Variants in SLC6A18 observed in about 807,000 individuals in gnomAD.
SLC6A18 encodes the protein solute carrier family 6 member 18, also known as inactive sodium-dependent neutral amino acid transporter B(0)AT3.
Under a neutral mutation model 62.9 loss-of-function variants are expected in SLC6A18, and 58 were observed. The ratio of observed to expected loss-of-function variants is 0.92; its 90% CI spans 0.75 to 1.15. The LOEUF is 1.15. Ranked by LOEUF, SLC6A18 falls within the 50% of genes most tolerant of loss-of-function variation. The pLI is 0.00. For synonymous variants in SLC6A18, 382 were observed against 365.8 expected (o/e 1.04, Z -0.51); for missense variants, 793 against 836.6 (o/e 0.95, Z 0.64).
intron 1 of SLC6A18, among the ~76,000 whole-genome samples, chr5:1,227,718 G>A (rs746844469): frequency 2.6e-5 from 4 of 152,206 alleles, no homozygotes; most frequent in African/African-American, 9.6e-5. Context: ...GTAGCAAAAC[G>A]TTGCGGTAAA....
chr5:1,226,956 A>AACACCTTGCCCACCG (rs1554035890), intron 1 of SLC6A18, among the ~76,000 whole-genome samples: 38 of 109,754 alleles, frequency 3.5e-4, no homozygotes, highest in African/African-American at 6.0e-4. Flanking sequence ...TGCCTTGCCC[A>AACACCTTGCCCACCG]ACGCCTTGCC....
rs1320101159 is a variant in SLC6A18 at position 1,241,862 on chromosome 5, C to T, written c.975-845C>T. On this transcript the variant is annotated intron_variant, in intron 7 of 11. Coordinates refer to ENST00000324642, the MANE Select transcript of SLC6A18 (RefSeq NM_182632.3). The surrounding 1 kb of genome is among the most constrained non-coding windows in gnomAD (Gnocchi z 7.8). Reference sequence around the variant, plus strand: ...AGCAGGCGGATAAGGACCAGCCGTGCGCACAACGCCCTGCGCCGTGCAGCC... The same window carrying T: ...AGCAGGCGGATAAGGACCAGCCGTGTGCACAACGCCCTGCGCCGTGCAGCC... Among the ~76,000 whole-genome samples, 1 of 152,340 alleles carries T rather than the reference C, an allele frequency of 6.6e-6. No homozygotes were observed. Among genetic ancestry groups the T allele is most frequent in the East Asian group, 1.9e-4 (1 of 5,186 alleles).
rs149285920 is a variant in SLC6A18, at chr5:1,240,591, C to T, written c.906C>T (p.Tyr302=). 2.5e-5 allele frequency: 41 copies of T among 1,614,156 alleles called. No homozygotes were observed. Among genetic ancestry groups the T allele is most frequent in the African/African-American group, 1.9e-4 (14 of 75,036 alleles). Residue 302 remains tyrosine (Y), a synonymous_variant, in exon 7 of 12, where the codon TAC becomes TAT. Coordinates refer to ENST00000324642, the MANE Select transcript of SLC6A18 (RefSeq NM_182632.3). ...TGGTCAACAGGATGACCTCCCTGTA[C>T]GCGTCCATCGCTGTCTTCTCTGTCC... The part of the protein sequence containing the change: ...IALVNRMTSL[Y]ASIAVFSVLG...
rs370565117 is a variant in SLC6A18, at chr5:1,235,709, C to A, written c.621+47C>A. The A allele has an allele frequency of 3.7e-4, 592 of 1,593,412 alleles. 1 individual carries two copies. Among genetic ancestry groups the A allele is most frequent in the Non-Finnish European group, 4.7e-4 (541 of 1,163,036 alleles). On this transcript the variant is annotated intron_variant, in intron 4 of 11. Coordinates refer to ENST00000324642, the MANE Select transcript of SLC6A18 (RefSeq NM_182632.3). ...TCCCCTCTCTTGCTTCCTCCAGCCC[C>A]CAAGACCCCTCCCCATTGACCTGTG...
intron 10 of SLC6A18, 78 bp from the exon 11 acceptor site, chr5:1,244,530 G>C: frequency 6.5e-7 from 1 of 1,545,708 alleles, no homozygotes; most frequent in Non-Finnish European, 8.7e-7. Flanking sequence ...TTGGACCCCA[G>C]TTAGGGTCCG....
At chr5:1,240,767 T>G in intron 7 of SLC6A18, 108 bp downstream of exon 7, 3 of 1,479,836 alleles carry the variant, frequency 2.0e-6, no homozygotes, top group South Asian at 1.2e-5. Context: ...CACATTTCAT[T>G]TCTGTAGGGG....
In SLC6A18 at chr5:1,243,661, T is replaced by G. The variant is rs965264111; in HGVS notation, c.1238T>G (p.Leu413Trp). 1 of 1,613,944 alleles carries G rather than the reference T, an allele frequency of 6.2e-7. No individual in the cohort carries two copies. Among genetic ancestry groups the G allele is most frequent in the African/African-American group, 1.3e-5 (1 of 74,922 alleles). The change falls in exon 9 of 12, where the codon TTG becomes TGG. Residue 413 changes from leucine (L) to tryptophan (W), a missense_variant. By Grantham distance (61) the Leu-to-Trp change is moderately conservative. Transcript: ENST00000324642. The surrounding 1 kb of genome is among the most constrained non-coding windows in gnomAD (Gnocchi z 6.5). ...CTCTTCTTCGGGATGCTGTTCACCT[T>G]GGGGCTATCGACCATGTTCGGGACC... The part of the protein sequence containing the change: ...AMLFFGMLFT[L>W]GLSTMFGTVE...
intron 7 of SLC6A18, 145 bp from the exon 8 acceptor site, chr5:1,242,562 G>A (rs1473947048): frequency 9.3e-7 from 1 of 1,078,310 alleles, no homozygotes; most frequent in Non-Finnish European, 1.3e-6. Flanking sequence ...CCCAACAGGG[G>A]CAGGAGGGGC....
rs1747178301 is a variant in SLC6A18 at position 1,244,851 on chromosome 5, G to A, written c.1656+84G>A. ...CCTACGGTGCCATCCGGTGCCCGAC[G>A]ACCCATGCGGTGCACATTCACGTGC... On this transcript the variant is annotated intron_variant, in intron 11 of 11. Coordinates refer to ENST00000324642, the MANE Select transcript of SLC6A18 (RefSeq NM_182632.3). The A allele has an allele frequency of 4.1e-6, 6 of 1,446,616 alleles. 1 individual carries two copies. The highest frequency in any genetic ancestry group is 2.7e-5 in the South Asian group (2 of 73,078). 89.6% of individuals were successfully genotyped at this position (1,446,616 alleles called of 1,614,324 possible). A position where few individuals can be genotyped will look rare whatever the true frequency, so the allele number is the denominator to read the frequency against.
chr5:1,226,149 G>A (rs975594660), intron 1 of SLC6A18, among the ~76,000 whole-genome samples: 2 of 152,158 alleles, frequency 1.3e-5, no homozygotes, highest in South Asian at 4.1e-4. Context: ...AGAGCCCTGT[G>A]GGGGGTGCCA....
chr5:1,246,107 G>T lies in SLC6A18; in HGVS notation c.*29G>T. 1 of 1,535,820 alleles carries T rather than the reference G, an allele frequency of 6.5e-7. No individual in the cohort carries two copies. The highest frequency in any genetic ancestry group is 8.7e-7 in the Non-Finnish European group (1 of 1,146,686). On this transcript the variant is annotated 3_prime_UTR_variant, in exon 12 of 12. Transcript: ENST00000324642. ...CGGCCGGAGCGGGGCCTGCATGGGC[G>T]GGTCTGTGGGGGGGCTTGGCCTGAT...
intron 1 of SLC6A18, among the ~76,000 whole-genome samples, chr5:1,231,655 A>G (rs556711782): frequency 6.6e-6 from 1 of 152,358 alleles, no homozygotes; most frequent in African/African-American, 2.4e-5. Context: ...ACACAAAAGC[A>G]GCCAGACCTC....
At chr5:1,235,284 T>C (rs1218824202) in intron 3 of SLC6A18, among the ~76,000 whole-genome samples, 197 bp from the exon 4 acceptor site, 2 of 152,222 alleles carry the variant, frequency 1.3e-5, no homozygotes, top group Admixed American at 6.5e-5. Flanking sequence ...GAGCTTCCCT[T>C]TGAGGTTCAC....
At chr5:1,238,740 G>T (rs1343165109) in intron 5 of SLC6A18, among the ~76,000 whole-genome samples, 1 of 152,240 alleles carries the variant, frequency 6.6e-6, no homozygotes, top group Non-Finnish European at 1.5e-5. Context: ...GGACATGGAT[G>T]TGAGGGGTCA....
Position 1,241,380 on chromosome 5 carries a change from G to A in SLC6A18, c.974+721G>A, listed in dbSNP as rs1472755840. Among the ~76,000 whole-genome samples, 2 of 152,200 alleles carry A rather than the reference G, an allele frequency of 1.3e-5. No individual in the cohort carries two copies. Among genetic ancestry groups the A allele is most frequent in the Non-Finnish European group, 2.9e-5 (2 of 68,032 alleles). On this transcript the variant is annotated intron_variant, in intron 7 of 11. Coordinates refer to ENST00000324642, the MANE Select transcript of SLC6A18 (RefSeq NM_182632.3). This position sits in a 1 kb window ranked among gnomAD's most constrained non-coding sequence, Gnocchi z 7.8. ...CAGTATATGGAGACATTTTTGATTG[G>A]CCACACTTGTGTGAGGGGTGTGCCT...
Position 1,242,593 on chromosome 5 carries a change from C to A in SLC6A18, c.975-114C>A, listed in dbSNP as rs1045831468. 35 of 1,401,598 alleles carry A rather than the reference C, an allele frequency of 2.5e-5. No individual in the cohort carries two copies. The East Asian group carries it at 3.9e-4, about 16-fold the overall frequency. The allele number at this position is 1,401,598 out of a possible 1,614,324, so 86.8% of individuals were successfully genotyped here. On this transcript the variant is annotated intron_variant, in intron 7 of 11. Transcript: ENST00000324642. The stretch of plus-strand genomic sequence containing the variant: ...GGGGCCCACACGATCCCAACAGGGG[C>A]AGGAGGGGCCCAGCCCTCCCAGGGA...
chr5:1,229,564 A>G (rs768412139), intron 1 of SLC6A18, among the ~76,000 whole-genome samples: 1 of 152,156 alleles, frequency 6.6e-6, no homozygotes, highest in Non-Finnish European at 1.5e-5. Flanking sequence ...TGCTCCCTGG[A>G]CAGTGGATCC....
rs992575974 is a variant in SLC6A18 at position 1,242,650 on chromosome 5, C to T, written c.975-57C>T. On this transcript the variant is annotated intron_variant, in intron 7 of 11. Transcript: ENST00000324642. Reference sequence around the variant, plus strand: ...GCTTCGCAGCACCAACCAAGGGTTTCTCTGGATGTGTTTGGGAACCAGGGC... The same window carrying T: ...GCTTCGCAGCACCAACCAAGGGTTTTTCTGGATGTGTTTGGGAACCAGGGC... The T allele has an allele frequency of 1.5e-5, 23 of 1,551,150 alleles. No homozygotes were observed. In the African/African-American group the frequency reaches 2.5e-4, roughly 17 times the overall value.
intron 1 of SLC6A18, among the ~76,000 whole-genome samples, chr5:1,228,343 G>A (rs4975624): frequency 0.54 from 82,563 of 151,968 alleles, 22,856 homozygotes; most frequent in Non-Finnish European, 0.6. Context: ...GCACCCTCGC[G>A]GCTCCCGGCT....
Sources: allele counts gnomAD v4.1 joint callset (sites outside exome capture counted in the v4.1 genomes callset), GRCh38; gene constraint gnomAD v4.1.1; non-coding constraint Gnocchi (gnomAD v3.1); transcripts MANE v1.5; gene names NCBI Gene and HGNC (gene_info 2026-07-23, HGNC 2026-07-21).